Variants in ANXA9 observed in about 807,000 individuals in gnomAD.
ANXA9 encodes the protein annexin 31.
ANXA9 carries 47 observed loss-of-function variants against 51.8 expected under a neutral mutation model. That is an observed-to-expected ratio of 0.91 (90% CI 0.72 to 1.16). The LOEUF (loss-of-function observed/expected upper bound fraction) is 1.16. Among genes scored for constraint, ANXA9 ranks in the 50% most tolerant of loss-of-function variants. The pLI, the probability that ANXA9 is intolerant of heterozygous loss-of-function variation, is 0.00. For missense variants in ANXA9, 361 were observed against 424.7 expected (o/e 0.85, Z 1.32); for synonymous variants, 154 against 168.7 (o/e 0.91, Z 0.68).
intron 7 of ANXA9, 43 bp from the exon 8 acceptor site, chr1:150,986,293 G>C: frequency 1.9e-6 from 3 of 1,588,710 alleles, no homozygotes; most frequent in Non-Finnish European, 2.6e-6. Flanking sequence ...ATCTACACTA[G>C]GAAAACTCAG....
Position 150,988,079 on chromosome 1 carries a change from TAC to T in ANXA9, c.698-4_698-3del. On this transcript the variant is annotated splice_polypyrimidine_tract_variant and intron_variant, in intron 10 of 13. Transcript: ENST00000368947. ...CCCATCCATCTTTCTAACTGCCTCCTACACACACAAGTGTTTGATCAGTACCA... is the reference window on the plus strand; with the variant it reads ...CCCATCCATCTTTCTAACTGCCTCCTACACACAAGTGTTTGATCAGTACCA... The T allele has an allele frequency of 6.2e-7, 1 of 1,614,118 alleles. No homozygotes were observed. The highest frequency in any genetic ancestry group is 2.2e-5 in the East Asian group (1 of 44,880).
At chr1:150,993,788 C>T (rs587718395) in intron 12 of ANXA9, among the ~76,000 whole-genome samples, 1 of 151,984 alleles carries the variant, frequency 6.6e-6, no homozygotes, top group African/African-American at 2.4e-5. Flanking sequence ...GCACCCACCA[C>T]CATGCCTGGC....
intron 7 of ANXA9, among the ~76,000 whole-genome samples, chr1:150,985,192 A>T (rs267732): frequency 0.64 from 82,353 of 128,492 alleles, 23,642 homozygotes; most frequent in South Asian, 0.72. Flanking sequence ...TCTCTCTCTC[A>T]CACACACACA....
Position 150,983,141 on chromosome 1 carries a change from C to T in ANXA9, c.36C>T (p.Leu12=). Reference sequence around the variant, plus strand: ...CTGGCGGGAAGATGGCACCGTCCCTCACCCAGGAGATCCTCAGCCACCTGG... The same window carrying T: ...CTGGCGGGAAGATGGCACCGTCCCTTACCCAGGAGATCCTCAGCCACCTGG... The part of the protein sequence containing the change: ...SVTGGKMAPS[L]TQEILSHLGL... The change falls in exon 3 of 14, where the codon CTC becomes CTT. Residue 12 remains leucine, a synonymous_variant. Transcript: ENST00000368947. 1 of 1,614,126 alleles carries T rather than the reference C, an allele frequency of 6.2e-7. No individual in the cohort carries two copies. The highest frequency in any genetic ancestry group is 8.5e-7 in the Non-Finnish European group (1 of 1,179,998).
intron 12 of ANXA9, among the ~76,000 whole-genome samples, chr1:150,992,334 G>A (rs28527376): frequency 0.078 from 11,810 of 152,152 alleles, 562 homozygotes; most frequent in African/African-American, 0.13. Flanking sequence ...TGAATCACCC[G>A]AGGTCAGGAG....
upstream of ANXA9, among the ~76,000 whole-genome samples, chr1:150,979,006 G>C (rs912834651): frequency 1.3e-5 from 2 of 151,892 alleles, no homozygotes; most frequent in African/African-American, 4.8e-5. Context: ...TCCTCTCTAA[G>C]ATTTCCTCCA....
intron 13 of ANXA9, 56 bp from the exon 14 acceptor site, chr1:150,995,204 G>A: frequency 4.5e-6 from 7 of 1,549,444 alleles, no homozygotes; most frequent in Non-Finnish European, 6.2e-6. Flanking sequence ...AGGGGAGAGA[G>A]CACTTGGGCC....
rs376189735 is a variant in ANXA9, at chr1:150,983,076, G to T, written c.-16-14G>T. On this transcript the variant is annotated splice_polypyrimidine_tract_variant and intron_variant, in intron 2 of 13. Coordinates refer to ENST00000368947, the MANE Select transcript of ANXA9 (RefSeq NM_003568.3). ...AGGAAATTCAGCTCTGTGGGCTCCT[G>T]TTTCCTTCCCCAGGGCAACCAGTAG... 6.2e-7 allele frequency: 1 copy of T among 1,609,474 alleles called. No homozygotes were observed.
chr1:150,992,826 G>C (rs1671738614), intron 12 of ANXA9, among the ~76,000 whole-genome samples: 1 of 152,060 alleles, frequency 6.6e-6, no homozygotes, highest in African/African-American at 2.4e-5. Context: ...AACAATGAGA[G>C]TATTCAGTTA....
intron 7 of ANXA9, among the ~76,000 whole-genome samples, chr1:150,985,679 A>G (rs2102792236): frequency 6.6e-6 from 1 of 151,794 alleles, no homozygotes; most frequent in East Asian, 1.9e-4. Context: ...CAGTCCTCCC[A>G]CCTCAGCCTC....
upstream of ANXA9, among the ~76,000 whole-genome samples, chr1:150,978,005 A>C (rs1347857641): frequency 2.0e-5 from 3 of 151,988 alleles, no homozygotes; most frequent in African/African-American, 7.3e-5. Flanking sequence ...GCATGGTGGC[A>C]CATGCCTGTA....
At chr1:150,983,023 G>T in intron 2 of ANXA9, 67 bp from the exon 3 acceptor site, 2 of 1,214,382 alleles carry the variant, frequency 1.6e-6, no homozygotes, top group South Asian at 2.7e-5. Context: ...AGGGTCTCGG[G>T]GGGGTCATAA....
rs1272502817 is a variant in ANXA9, at chr1:150,986,388, G to A, written c.525G>A (p.Leu175=). Residue 175 remains leucine, a synonymous_variant, in exon 8 of 14, where the codon TTG becomes TTA. Coordinates refer to ENST00000368947, the MANE Select transcript of ANXA9 (RefSeq NM_003568.3). ...TCACATCTGAGACCAGTGGCATCTT[G>A]CAGGACCTGCTGTTGGCCCTGGCCA... ...DDITSETSGI[L]QDLLLALAKG... 6.2e-7 allele frequency: 1 copy of A among 1,614,142 alleles called. No individual in the cohort carries two copies. Among genetic ancestry groups the A allele is most frequent in the Non-Finnish European group, 8.5e-7 (1 of 1,179,998 alleles).
intron 7 of ANXA9, among the ~76,000 whole-genome samples, chr1:150,985,420 C>T (rs979970111): frequency 7.2e-5 from 11 of 152,092 alleles, no homozygotes. Flanking sequence ...TGGGTGTCAC[C>T]TTTCATGTCC....
chr1:150,994,862 G>C (rs1420353093), intron 13 of ANXA9, 163 bp downstream of exon 13: 18 of 960,996 alleles, frequency 1.9e-5, no homozygotes, highest in Middle Eastern at 5.3e-4. Context: ...GAGAGGCTGA[G>C]GTGGGCGGAT....
intron 4 of ANXA9, 41 bp downstream of exon 4, chr1:150,983,475 G>A (rs755643141): frequency 3.2e-6 from 5 of 1,550,466 alleles, no homozygotes; most frequent in East Asian, 4.7e-5. Context: ...GCCTTTTAGA[G>A]CCAATCTGTA....
At chr1:150,987,154 GC>G (rs1471527711) in intron 9 of ANXA9, among the ~76,000 whole-genome samples, 1 of 151,852 alleles carries the variant, frequency 6.6e-6, no homozygotes, top group Non-Finnish European at 1.5e-5. Context: ...GATCACTTGA[GC>G]CCAGGAGTCC....
At chr1:150,990,164 T>G (rs1461655882) in intron 12 of ANXA9, among the ~76,000 whole-genome samples, 1 of 150,738 alleles carries the variant, frequency 6.6e-6, no homozygotes, top group East Asian at 2.0e-4. Context: ...GAAGAAAATT[T>G]GCCAGGCATG....
At chr1:150,991,160 T>TAATAAATA (rs936000772) in intron 12 of ANXA9, among the ~76,000 whole-genome samples, 1 of 150,112 alleles carries the variant, frequency 6.7e-6, no homozygotes, top group Non-Finnish European at 1.5e-5. Flanking sequence ...AAAATAATAA[T>TAATAAATA]AATAAATAAA....
Sources: gnomAD v4.1 joint callset for allele counts (sites outside exome capture counted in the v4.1 genomes callset) on GRCh38, gnomAD v4.1.1 for gene constraint, MANE v1.5 for transcripts, NCBI Gene and HGNC (gene_info 2026-07-23, HGNC 2026-07-21) for gene names.